Variants in OPHN1 observed in about 807,000 individuals in gnomAD.
OPHN1 encodes the protein oligophrenin-1.
In OPHN1, 11 loss-of-function variants were observed where a neutral mutation model predicts 60.7. The ratio of observed to expected loss-of-function variants is 0.18; its 90% CI spans 0.11 to 0.30. OPHN1 has a LOEUF of 0.30. Among genes scored for constraint, OPHN1 ranks in the 10% least tolerant of loss-of-function variants. The pLI, the probability that OPHN1 is intolerant of heterozygous loss-of-function variation, is 1.00. For synonymous variants in OPHN1, 226 were observed against 222.6 expected, an observed-to-expected ratio of 1.02 and a Z score of -0.14; for missense variants, 449 against 611.0, an observed-to-expected ratio of 0.73 and a Z score of 2.80.
intron 2 of OPHN1, among the ~76,000 whole-genome samples, chrX:68,341,207 T>C (rs1602339919): frequency 1.8e-5 from 2 of 109,275 alleles, no homozygotes; most frequent in South Asian, 3.9e-4. Flanking sequence ...AATTTCAAAA[T>C]GCAAGGATCA....
intron 5 of OPHN1, among the ~76,000 whole-genome samples, chrX:68,256,279 G>C (rs1273469496): frequency 1.8e-5 from 2 of 111,517 alleles, no homozygotes; most frequent in African/African-American, 6.5e-5. Flanking sequence ...AAGGATGATG[G>C]AGGAGCCATC....
intron 2 of OPHN1, among the ~76,000 whole-genome samples, chrX:68,377,398 CTCTT>C (rs1350402945): frequency 2.8e-5 from 3 of 108,500 alleles, no homozygotes; most frequent in Non-Finnish European, 3.8e-5. Context: ...ACCCAGCCTT[CTCTT>C]TTTTTTTATT....
intron 15 of OPHN1, chrX:68,133,334 A>G: frequency 1.5e-6 from 1 of 648,763 alleles, no homozygotes; most frequent in East Asian, 3.3e-5. Flanking sequence ...GTATGAGCAA[A>G]TCCTCAATAC....
chrX:68,258,389 C>A (rs1348820294), intron 5 of OPHN1, among the ~76,000 whole-genome samples: 1 of 37,210 alleles, frequency 2.7e-5, no homozygotes, highest in African/African-American at 2.7e-4. Context: ...CCTAATGCTA[C>A]CCCTCCCCCC....
intron 15 of OPHN1, among the ~76,000 whole-genome samples, chrX:68,136,328 G>C (rs2077219921): frequency 1.1e-5 from 1 of 88,805 alleles, no homozygotes; most frequent in Non-Finnish European, 2.1e-5. Flanking sequence ...TTTTGAGATG[G>C]AGTCTCGCAC....
In OPHN1 at chrX:68,294,193, G is replaced by A. The variant is rs1039936429; in HGVS notation, c.250+4808C>T. On this transcript the variant is annotated intron_variant, in intron 3 of 24. Coordinates refer to ENST00000355520, the MANE Select transcript of OPHN1 (RefSeq NM_002547.3). ...ATCCTGAGAAAAGAGTAACCTGGCC[G>A]GGTGCAGTGGTTCACGCCTGTAATC... 6.3e-5 allele frequency among the ~76,000 whole-genome samples: 7 copies of A among 110,483 alleles called. 1 individual carries two copies. Among genetic ancestry groups the A allele is most frequent in the South Asian group, 7.8e-4 (2 of 2,575 alleles).
intron 2 of OPHN1, among the ~76,000 whole-genome samples, chrX:68,371,732 G>A (rs920896826): frequency 9.0e-6 from 1 of 111,201 alleles, no homozygotes; most frequent in African/African-American, 3.3e-5. Flanking sequence ...ATGTATCCCC[G>A]TTTTTTGTTT....
intron 15 of OPHN1, among the ~76,000 whole-genome samples, chrX:68,122,633 C>T (rs1405905439): frequency 9.0e-6 from 1 of 110,819 alleles, no homozygotes; most frequent in Non-Finnish European, 1.9e-5. Context: ...CTATCACATA[C>T]ATTTAACAAA....
In OPHN1 at chrX:68,180,341, T is replaced by G. The variant is rs757020020; in HGVS notation, c.1276+12578A>C. On this transcript the variant is annotated intron_variant, in intron 15 of 24. Transcript: ENST00000355520. ...CGCTTTCTGAACACATTTTAATGCT[T>G]AAAATTTTTTAGGATGAGCAGGTAT... Among the ~76,000 whole-genome samples the G allele has an allele frequency of 9.8e-5, 11 of 112,031 alleles. No individual in the cohort carries two copies. The South Asian group carries it at 3.7e-3, about 38-fold the overall frequency.
chrX:68,067,504 AG>A (rs981712162), intron 20 of OPHN1, among the ~76,000 whole-genome samples: 32 of 110,547 alleles, frequency 2.9e-4, no homozygotes, highest in African/African-American at 1.0e-3. Context: ...GTGGGTGGGG[AG>A]AAGTGGCATT....
intron 6 of OPHN1, among the ~76,000 whole-genome samples, chrX:68,225,998 T>C (rs929619364): frequency 1.1e-4 from 12 of 111,323 alleles, no homozygotes; most frequent in East Asian, 2.8e-4. Flanking sequence ...ATAAGACGAA[T>C]GGCTAACTAG....
intron 2 of OPHN1, among the ~76,000 whole-genome samples, chrX:68,431,227 G>A (rs979946166): frequency 9.0e-6 from 1 of 111,715 alleles, no homozygotes; most frequent in African/African-American, 3.3e-5. Context: ...TTTACTCTTG[G>A]TCAGGCCACA....
intron 2 of OPHN1, among the ~76,000 whole-genome samples, chrX:68,358,091 G>T (rs936266798): frequency 2.7e-4 from 28 of 104,737 alleles, no homozygotes; most frequent in Non-Finnish European, 5.1e-4. Context: ...AGCAGTTCAA[G>T]ACCAGCTTGG....
chrX:68,189,463 A>G (rs1028258392), intron 15 of OPHN1, among the ~76,000 whole-genome samples: 16 of 110,220 alleles, frequency 1.5e-4, no homozygotes, highest in South Asian at 7.8e-4. Context: ...CCATTAACTC[A>G]TCATTTACAT....
intron 2 of OPHN1, among the ~76,000 whole-genome samples, chrX:68,399,749 C>CTATA (rs1342564272): frequency 1.4e-4 from 15 of 111,080 alleles, no homozygotes; most frequent in African/African-American, 4.9e-4. Context: ...CTAGCATGAC[C>CTATA]TATAGGCCCT....
At chrX:68,415,078 G>A (rs774322966) in intron 2 of OPHN1, among the ~76,000 whole-genome samples, 5 of 111,733 alleles carry the variant, frequency 4.5e-5, no homozygotes, top group South Asian at 3.7e-4. Context: ...CTCTAGCCAC[G>A]TCTGTCTTGG....
intron 6 of OPHN1, among the ~76,000 whole-genome samples, chrX:68,224,997 C>T (rs1425327520): frequency 8.9e-6 from 1 of 112,145 alleles, no homozygotes; most frequent in Admixed American, 9.4e-5. Context: ...ACAGACAGTA[C>T]CTGGAAAATC....
intron 4 of OPHN1, among the ~76,000 whole-genome samples, chrX:68,280,589 C>T (rs1455430160): frequency 9.0e-6 from 1 of 111,646 alleles, no homozygotes; most frequent in African/African-American, 3.3e-5. Context: ...GAATAAATAG[C>T]TTTAACAAAA....
chrX:68,070,893 C>A, intron 20 of OPHN1: 1 of 1,167,643 alleles, frequency 8.6e-7, no homozygotes, highest in Non-Finnish European at 1.2e-6. Context: ...TCTTGGCATT[C>A]TCATCAAATT....
Sources: allele counts gnomAD v4.1 joint callset (sites outside exome capture counted in the v4.1 genomes callset), GRCh38; gene constraint gnomAD v4.1.1; transcripts MANE v1.5; gene names NCBI Gene and HGNC (gene_info 2026-07-23, HGNC 2026-07-21).